Variants in CELF2 observed in about 807,000 individuals in gnomAD.
The protein encoded by CELF2 is CUGBP Elav-like family member 2.
A neutral mutation model predicts 62.6 loss-of-function variants in CELF2; 8 were observed. The observed-to-expected ratio is 0.13, with a 90% CI of 0.07 to 0.23. The LOEUF (loss-of-function observed/expected upper bound fraction) is 0.23, where lower values mean the gene tolerates loss of function less well. Ranked by LOEUF, CELF2 falls within the 10% of genes least tolerant of loss-of-function variation. The pLI, the probability that CELF2 is intolerant of heterozygous loss-of-function variation, is 1.00. For synonymous variants in CELF2, 258 were observed against 250.0 expected (o/e 1.03, Z -0.30); for missense variants, 333 against 671.0 (o/e 0.50, Z 5.56).
intron 3 of CELF2, among the ~76,000 whole-genome samples, chr10:11,226,828 A>G (rs1408645078): frequency 6.6e-6 from 1 of 152,180 alleles, no homozygotes; most frequent in Non-Finnish European, 1.5e-5. Context: ...TAGATCAAAG[A>G]CAGTCATCAC....
At chr10:10,913,379 C>CTTTTTTTTTTT (rs34163796) in intron 1 of CELF2, among the ~76,000 whole-genome samples, 3 of 57,360 alleles carry the variant, frequency 5.2e-5, no homozygotes, top group African/African-American at 1.6e-4. Flanking sequence ...GTAATGATGT[C>CTTTTTTTTTTT]TTTTTTTTTT....
At chr10:10,960,230 T>G (rs942471377) in intron 2 of CELF2, 4 of 152,266 alleles carry the variant, frequency 2.6e-5, no homozygotes, top group Admixed American at 2.6e-4. Flanking sequence ...CAACTTGTGC[T>G]TCTCTCCTCA....
At chr10:10,497,247 T>C in the CELF2 span, among the ~76,000 whole-genome samples, 1 of 149,610 alleles carries the variant, frequency 6.7e-6, no homozygotes. Flanking sequence ...GGAAAAACTT[T>C]AGGGAGCTAT....
At chr10:11,049,685 G>C (rs534361395) in intron 1 of CELF2, among the ~76,000 whole-genome samples, 1 of 152,000 alleles carries the variant, frequency 6.6e-6, no homozygotes, top group East Asian at 1.9e-4. Context: ...ACTAGAAAGG[G>C]CCATAGAGAT....
the CELF2 span, among the ~76,000 whole-genome samples, chr10:10,697,269 A>G: frequency 8.1e-4 from 124 of 152,262 alleles, no homozygotes; most frequent in Non-Finnish European, 1.0e-3. Flanking sequence ...GGTTTTTTGC[A>G]GGATGTTTGC....
At chr10:10,625,539 A>G in the CELF2 span, among the ~76,000 whole-genome samples, 4 of 152,194 alleles carry the variant, frequency 2.6e-5, no homozygotes, top group Non-Finnish European at 5.9e-5. Context: ...AGAAGTTTCA[A>G]AACTTCAAAT....
At chr10:10,534,151 T>C in the CELF2 span, among the ~76,000 whole-genome samples, 1 of 150,190 alleles carries the variant, frequency 6.7e-6, no homozygotes, top group Non-Finnish European at 1.5e-5. Context: ...TATTTGACTC[T>C]TCAGGAACAT....
chr10:11,081,426 GT>G (rs1429946417), intron 1 of CELF2, among the ~76,000 whole-genome samples: 2 of 152,114 alleles, frequency 1.3e-5, no homozygotes, highest in African/African-American at 2.4e-5. Flanking sequence ...GACAATTCAA[GT>G]TTGAAAAACT....
chr10:10,814,214 TAAAAA>T (rs759524110), intron 1 of CELF2, among the ~76,000 whole-genome samples: 6 of 44,434 alleles, frequency 1.4e-4, no homozygotes, highest in Non-Finnish European at 2.0e-4. Flanking sequence ...AGAAGAGTCC[TAAAAA>T]AAAAAAAAAA....
chr10:11,283,959 T>C (rs61830944), intron 8 of CELF2, among the ~76,000 whole-genome samples: 26 of 35,104 alleles, frequency 7.4e-4, no homozygotes, highest in Middle Eastern at 0.024. Context: ...GGGATGAGTG[T>C]GTGGTGGGTG....
chr10:10,710,340 A>G, the CELF2 span, among the ~76,000 whole-genome samples: 1 of 152,178 alleles, frequency 6.6e-6, no homozygotes, highest in Non-Finnish European at 1.5e-5. Flanking sequence ...TTGAGACTCC[A>G]TTGTCTGGGG....
the CELF2 span, among the ~76,000 whole-genome samples, chr10:10,584,084 G>A: frequency 6.6e-6 from 1 of 152,172 alleles, no homozygotes; most frequent in African/African-American, 2.4e-5. Flanking sequence ...GCAGGTCTGT[G>A]ATAACACGGT....
intron 1 of CELF2, among the ~76,000 whole-genome samples, chr10:10,881,068 T>G (rs1184988554): frequency 6.6e-6 from 1 of 152,220 alleles, no homozygotes; most frequent in Admixed American, 6.5e-5. Flanking sequence ...AGAAACTGTT[T>G]AACATGCATG....
chr10:10,894,135 A>G (rs149128624), intron 1 of CELF2, among the ~76,000 whole-genome samples: 1 of 152,300 alleles, frequency 6.6e-6, no homozygotes, highest in East Asian at 1.9e-4. Context: ...AAAAGGCCAA[A>G]TGATAGATTT....
chr10:10,712,147 C>CAAAAAAAAAAAA, the CELF2 span, among the ~76,000 whole-genome samples: 8 of 43,422 alleles, frequency 1.8e-4, 1 homozygote, highest in African/African-American at 5.9e-4. Flanking sequence ...AGGATAGAGA[C>CAAAAAAAAAAAA]AAAAAAAAAA....
chr10:11,336,120 A>C lies in CELF2; in HGVS notation c.*7067A>C, dbSNP rs1185896414. On this transcript the variant is annotated 3_prime_UTR_variant, in exon 13 of 13. Transcript: ENST00000633077. This position sits in a 1 kb window ranked among gnomAD's most constrained non-coding sequence, Gnocchi z 5.4. The stretch of plus-strand genomic sequence containing the variant: ...CCACACACGCTGCCCAGCCCACAGC[A>C]GTCGCACGCAGCCGATGGGCTCGGA... 6.5e-6 allele frequency: 1 copy of C among 152,722 alleles called. No individual in the cohort carries two copies. Among genetic ancestry groups the C allele is most frequent in the Non-Finnish European group, 1.5e-5 (1 of 68,058 alleles). The allele number at this position is 152,722 out of a possible 1,614,324, so 9.5% of individuals were successfully genotyped here.
At chr10:10,519,506 AG>A in the CELF2 span, among the ~76,000 whole-genome samples, 2 of 152,188 alleles carry the variant, frequency 1.3e-5, no homozygotes, top group African/African-American at 4.8e-5. Context: ...TTGACTTCCT[AG>A]TGATAGAAAA....
rs147869730 is a variant in CELF2 at position 11,177,117 on chromosome 10, C to T, written c.271+11435C>T. Among the ~76,000 whole-genome samples the T allele has an allele frequency of 3.5e-4, 53 of 152,228 alleles. No homozygotes were observed. The highest frequency in any genetic ancestry group is 4.0e-4 in the Non-Finnish European group (27 of 68,014). Reference sequence around the variant, plus strand: ...AAGGTGGTTATTAGAAGACTCGCAACTTAGAAAAGGAAGTAAACATGTTAA... The same window carrying T: ...AAGGTGGTTATTAGAAGACTCGCAATTTAGAAAAGGAAGTAAACATGTTAA... On this transcript the variant is annotated intron_variant, in intron 2 of 12. Transcript: ENST00000633077. The surrounding 1 kb of genome is among the most constrained non-coding windows in gnomAD (Gnocchi z 4.8).
Position 11,319,787 on chromosome 10 carries a change from A to AG in CELF2, c.1097-1402_1097-1401insG, listed in dbSNP as rs1239260644. On this transcript the variant is annotated intron_variant, in intron 10 of 12. Coordinates refer to ENST00000633077, the MANE Select transcript of CELF2 (RefSeq NM_001326342.2). This position sits in a 1 kb window ranked among gnomAD's most constrained non-coding sequence, Gnocchi z 4.4. Reference sequence around the variant, plus strand: ...ACTGTTAAGCTATAGCCTAATTCATATCTTACATGTGTCCTTTTAATTGAA... The same window carrying AG: ...ACTGTTAAGCTATAGCCTAATTCATAGTCTTACATGTGTCCTTTTAATTGAA... 2.1e-6 allele frequency: 1 copy of AG among 471,080 alleles called. No homozygotes were observed. Among genetic ancestry groups the AG allele is most frequent in the Admixed American group, 2.3e-5 (1 of 42,588 alleles). 29.2% of individuals were successfully genotyped at this position (471,080 alleles called of 1,614,324 possible).
Sources: allele counts gnomAD v4.1 joint callset (sites outside exome capture counted in the v4.1 genomes callset), GRCh38; gene constraint gnomAD v4.1.1; non-coding constraint Gnocchi (gnomAD v3.1); transcripts MANE v1.5; gene names NCBI Gene and HGNC (gene_info 2026-07-23, HGNC 2026-07-21).